HS3ST3A1: variants seen among roughly 807,000 people sequenced by gnomAD.
HS3ST3A1 encodes the protein heparan sulfate-glucosamine 3-sulfotransferase 3A1, also known as heparan sulfate glucosamine 3-O-sulfotransferase 3A1.
In HS3ST3A1, 19 loss-of-function variants were observed where a neutral mutation model predicts 25.7. The observed-to-expected ratio is 0.74, with a 90% CI of 0.52 to 1.08. The LOEUF is 1.08. HS3ST3A1 is among the 50% of genes least tolerant of loss of function. The pLI is 0.00. For synonymous variants in HS3ST3A1, 226 were observed against 278.6 expected, an observed-to-expected ratio of 0.81 and a Z score of 1.88; for missense variants, 459 against 594.3, an observed-to-expected ratio of 0.77 and a Z score of 2.37.
rs375928186 is a variant in HS3ST3A1, at chr17:13,579,903, G to A, written c.599+20628C>T. 4.6e-5 allele frequency among the ~76,000 whole-genome samples: 6 copies of A among 130,544 alleles called. No homozygotes were observed. The South Asian group carries it at 9.6e-4, about 21-fold the overall frequency. The allele number at this position is 130,544 out of a possible 152,430, so 85.6% of individuals were successfully genotyped here. Reference sequence around the variant, plus strand: ...GCAGAGGTTGCAGTGAGCTGAGATCGTGCCCCTGCACTCAGCCTGGGTGAC... The same window carrying A: ...GCAGAGGTTGCAGTGAGCTGAGATCATGCCCCTGCACTCAGCCTGGGTGAC... On this transcript the variant is annotated intron_variant, in intron 1 of 1. Transcript: ENST00000284110.
intron 1 of HS3ST3A1, among the ~76,000 whole-genome samples, chr17:13,505,880 C>T (rs887795384): frequency 2.0e-5 from 3 of 151,594 alleles, no homozygotes; most frequent in South Asian, 4.2e-4. Flanking sequence ...AAAAATTAGC[C>T]GGGTGTGGTG....
chr17:13,587,933 A>G (rs1343585223), intron 1 of HS3ST3A1, among the ~76,000 whole-genome samples: 2 of 152,150 alleles, frequency 1.3e-5, no homozygotes, highest in Non-Finnish European at 2.9e-5. Context: ...GAGCTCTGTT[A>G]TTTCTAAATT....
Position 13,496,307 on chromosome 17 carries a change from T to A in HS3ST3A1, c.1111A>T (p.Thr371Ser). ...ACCTCGCGGTCGATCTCAGGATGGGTCCTGCCCTTGGTCTTGCCCAGGCAA... is the reference window on the plus strand; with the variant it reads ...ACCTCGCGGTCGATCTCAGGATGGGACCTGCCCTTGGTCTTGCCCAGGCAA... ...PHCLGKTKGR[T>S]HPEIDREVVR... Residue 371 changes from threonine to serine, a missense_variant, in exon 2 of 2, where the codon ACC (threonine) becomes TCC (serine). Around this residue, in one of 3 missense-constraint regions of HS3ST3A1, gnomAD observed 46 missense variants for 59.0 expected, o/e 0.78. Coordinates refer to ENST00000284110, the MANE Select transcript of HS3ST3A1 (RefSeq NM_006042.3). The A allele has an allele frequency of 3.2e-6, 5 of 1,557,264 alleles. No homozygotes were observed. Among genetic ancestry groups the A allele is most frequent in the Non-Finnish European group, 3.5e-6 (4 of 1,152,720 alleles).
At chr17:13,568,965 T>A (rs554165584) in intron 1 of HS3ST3A1, among the ~76,000 whole-genome samples, 1 of 152,322 alleles carries the variant, frequency 6.6e-6, no homozygotes, top group East Asian at 1.9e-4. Context: ...AGACTTTTTT[T>A]ATTTTTATTT....
At chr17:13,555,663 C>T (rs557480992) in intron 1 of HS3ST3A1, among the ~76,000 whole-genome samples, 12 of 152,290 alleles carry the variant, frequency 7.9e-5, no homozygotes, top group African/African-American at 2.6e-4. Flanking sequence ...GATTTCTCTA[C>T]ATGCACAAAT....
chr17:13,586,540 C>G (rs1172844813), intron 1 of HS3ST3A1, among the ~76,000 whole-genome samples: 5 of 151,910 alleles, frequency 3.3e-5, no homozygotes, highest in African/African-American at 1.2e-4. Flanking sequence ...CTGTAGTTAA[C>G]CCAAACTGAA....
At chr17:13,571,789 A>T (rs1907820180) in intron 1 of HS3ST3A1, among the ~76,000 whole-genome samples, 1 of 152,120 alleles carries the variant, frequency 6.6e-6, no homozygotes, top group East Asian at 1.9e-4. Context: ...AGGTGGAGTC[A>T]CACTCCGTTG....
rs1378340368 is a variant in HS3ST3A1 at position 13,601,140 on chromosome 17, G to A, written c.-11C>T. 2 of 1,507,454 alleles carry A rather than the reference G, an allele frequency of 1.3e-6. No homozygotes were observed. Among genetic ancestry groups the A allele is most frequent in the African/African-American group, 2.9e-5 (2 of 70,050 alleles). The allele number at this position is 1,507,454 out of a possible 1,614,324, so 93.4% of individuals were successfully genotyped here. On this transcript the variant is annotated 5_prime_UTR_variant, in exon 1 of 2. Coordinates refer to ENST00000284110, the MANE Select transcript of HS3ST3A1 (RefSeq NM_006042.3). ...GCCCGGAGGGGCCATCCTAGCCGGA[G>A]GCGACGTCGGGCAACGCGCCGGCCA...
At chr17:13,579,193 AATC>A (rs1452812372) in intron 1 of HS3ST3A1, among the ~76,000 whole-genome samples, 1 of 152,144 alleles carries the variant, frequency 6.6e-6, no homozygotes, top group Non-Finnish European at 1.5e-5. Flanking sequence ...GGGAGTGTAA[AATC>A]ATACAACCAT....
intron 1 of HS3ST3A1, among the ~76,000 whole-genome samples, chr17:13,545,203 C>T (rs559647813): frequency 1.3e-5 from 2 of 152,294 alleles, no homozygotes; most frequent in East Asian, 3.9e-4. Context: ...AATATCGGGC[C>T]TTACCCAGAC....
At chr17:13,531,719 A>T (rs1046400309) in intron 1 of HS3ST3A1, among the ~76,000 whole-genome samples, 2 of 152,180 alleles carry the variant, frequency 1.3e-5, no homozygotes, top group Admixed American at 6.5e-5. Context: ...TTCATGATAT[A>T]TCTCCCTTGA....
chr17:13,581,457 A>T (rs1454897727), intron 1 of HS3ST3A1, among the ~76,000 whole-genome samples: 1 of 123,970 alleles, frequency 8.1e-6, no homozygotes, highest in East Asian at 2.5e-4. Flanking sequence ...ATGAAGTGAG[A>T]CTCTATCTCA....
At chr17:13,587,184 G>A (rs1908298960) in intron 1 of HS3ST3A1, among the ~76,000 whole-genome samples, 1 of 151,810 alleles carries the variant, frequency 6.6e-6, no homozygotes, top group African/African-American at 2.4e-5. Flanking sequence ...GGCCGGGCAC[G>A]GTGGTTCACG....
At chr17:13,560,498 G>A (rs1907512449) in intron 1 of HS3ST3A1, among the ~76,000 whole-genome samples, 1 of 151,592 alleles carries the variant, frequency 6.6e-6, no homozygotes, top group Admixed American at 6.6e-5. Context: ...ATTCTCCTAA[G>A]TAATCATAAT....
intron 1 of HS3ST3A1, among the ~76,000 whole-genome samples, chr17:13,556,270 G>A (rs1907370079): frequency 6.6e-6 from 1 of 152,150 alleles, no homozygotes; most frequent in Non-Finnish European, 1.5e-5. Context: ...CACTTTGGGA[G>A]GCCGGGGCGG....
intron 1 of HS3ST3A1, among the ~76,000 whole-genome samples, chr17:13,539,785 T>C (rs764790784): frequency 1.3e-5 from 2 of 152,210 alleles, no homozygotes; most frequent in Non-Finnish European, 2.9e-5. Context: ...ACAATAGTAT[T>C]AACACATGAT....
At chr17:13,599,905 C>G (rs1334570967) in intron 1 of HS3ST3A1, among the ~76,000 whole-genome samples, 4 of 152,230 alleles carry the variant, frequency 2.6e-5, no homozygotes, top group Non-Finnish European at 5.9e-5. Flanking sequence ...AAAACTCATT[C>G]CTTGCCCTCA....
intron 1 of HS3ST3A1, among the ~76,000 whole-genome samples, chr17:13,547,855 C>T (rs73978685): frequency 0.047 from 7,040 of 149,464 alleles, 411 homozygotes; most frequent in African/African-American, 0.13. Context: ...GGATAGGATG[C>T]TAACTCCAGG....
At chr17:13,578,378 G>A (rs1412920578) in intron 1 of HS3ST3A1, among the ~76,000 whole-genome samples, 2 of 134,054 alleles carry the variant, frequency 1.5e-5, no homozygotes, top group African/African-American at 2.9e-5. Context: ...TGAAATCCCC[G>A]TCTCTACAAA....
Sources: allele counts gnomAD v4.1 joint callset (sites outside exome capture counted in the v4.1 genomes callset), GRCh38; gene constraint gnomAD v4.1.1; regional missense constraint gnomAD v4.1.1; transcripts MANE v1.5; gene names NCBI Gene and HGNC (gene_info 2026-07-23, HGNC 2026-07-21).